GALNTL6: variants seen among roughly 807,000 people sequenced by gnomAD.
GALNTL6 encodes polypeptide N-acetylgalactosaminyltransferase like 6.
GALNTL6 carries 46 observed loss-of-function variants against 73.7 expected under a neutral mutation model. That is an observed-to-expected ratio of 0.62 (90% CI 0.49 to 0.80). The LOEUF (loss-of-function observed/expected upper bound fraction) is 0.80. Ranked by LOEUF, GALNTL6 falls within the 30% of genes least tolerant of loss-of-function variation. The probability of loss-of-function intolerance (pLI) is 0.00; values close to 1 mark genes in which losing one functional copy is unlikely to be tolerated. For synonymous variants in GALNTL6, 259 were observed against 263.7 expected, an observed-to-expected ratio of 0.98 and a Z score of 0.17; for missense variants, 604 against 755.0, an observed-to-expected ratio of 0.80 and a Z score of 2.34.
intron 2 of GALNTL6, among the ~76,000 whole-genome samples, chr4:172,141,911 A>C (rs1009945933): frequency 7.3e-6 from 1 of 136,846 alleles, no homozygotes; most frequent in African/African-American, 2.8e-5. Context: ...ACACACACAC[A>C]CCCCCCACAC....
intron 5 of GALNTL6, among the ~76,000 whole-genome samples, chr4:172,400,582 T>C (rs897152048): frequency 6.6e-6 from 1 of 152,158 alleles, no homozygotes; most frequent in African/African-American, 2.4e-5. Context: ...CACGAACTTG[T>C]GATCCCTTCT....
At chr4:172,077,250 G>A (rs1204088127) in intron 2 of GALNTL6, among the ~76,000 whole-genome samples, 1 of 152,196 alleles carries the variant, frequency 6.6e-6, no homozygotes, top group East Asian at 1.9e-4. Flanking sequence ...TTTGGAACTG[G>A]TTAACAGGCA....
At chr4:172,132,627 T>G (rs970403437) in intron 2 of GALNTL6, among the ~76,000 whole-genome samples, 1 of 152,188 alleles carries the variant, frequency 6.6e-6, no homozygotes, top group Non-Finnish European at 1.5e-5. Flanking sequence ...TACTTCATGT[T>G]GAATTTGTCT....
At chr4:172,823,305 C>T (rs2111029560) in intron 7 of GALNTL6, among the ~76,000 whole-genome samples, 1 of 152,332 alleles carries the variant, frequency 6.6e-6, no homozygotes, top group Admixed American at 6.5e-5. Context: ...CAGCTCTGCT[C>T]TCCTCTTTGC....
intron 9 of GALNTL6, among the ~76,000 whole-genome samples, chr4:172,951,584 G>A (rs1749446591): frequency 6.6e-6 from 1 of 152,178 alleles, no homozygotes; most frequent in South Asian, 2.1e-4. Flanking sequence ...TAAAGTTGGG[G>A]GAAAAGAATA....
chr4:172,739,043 GTGTTAA>G (rs1264972167), intron 5 of GALNTL6, among the ~76,000 whole-genome samples: 3 of 152,152 alleles, frequency 2.0e-5, no homozygotes, highest in Admixed American at 6.6e-5. Context: ...CTTAAAGTCT[GTGTTAA>G]TGTTAATGCT....
At chr4:172,579,454 C>T (rs546100905) in intron 5 of GALNTL6, among the ~76,000 whole-genome samples, 2 of 152,248 alleles carry the variant, frequency 1.3e-5, no homozygotes, top group South Asian at 2.1e-4. Context: ...TAGTAAGACT[C>T]ATTCTGGAGG....
intron 5 of GALNTL6, among the ~76,000 whole-genome samples, chr4:172,752,995 G>T (rs1209825280): frequency 6.6e-6 from 1 of 152,036 alleles, no homozygotes; most frequent in African/African-American, 2.4e-5. Flanking sequence ...AAAAGTCTTA[G>T]AAATATAATT....
rs202000443 is a variant in GALNTL6, at chr4:171,986,787, AG to A, written c.138+172070del. 5.0e-3 allele frequency among the ~76,000 whole-genome samples: 757 copies of A among 152,330 alleles called. 6 individuals are homozygous for A. Among genetic ancestry groups the A allele is most frequent in the African/African-American group, 0.017 (713 of 41,568 alleles). ...GAGAAAAACAGGTATAAAAGGTCTA[AG>A]AATTGGGACGACCCAGGACATCTGA... On this transcript the variant is annotated intron_variant, in intron 2 of 12. Coordinates refer to ENST00000506823, the MANE Select transcript of GALNTL6 (RefSeq NM_001034845.3).
chr4:172,910,514 C>G (rs948071384), intron 8 of GALNTL6, among the ~76,000 whole-genome samples: 2 of 152,166 alleles, frequency 1.3e-5, no homozygotes, highest in Non-Finnish European at 2.9e-5. Flanking sequence ...CTCTGTTGGC[C>G]CCTGAAGGCC....
At chr4:172,346,736 G>A (rs1221442108) in intron 4 of GALNTL6, among the ~76,000 whole-genome samples, 1 of 152,070 alleles carries the variant, frequency 6.6e-6, no homozygotes. Flanking sequence ...CAAACCTTCA[G>A]TAAATTACTG....
chr4:172,690,832 A>C (rs1560882869), intron 5 of GALNTL6, among the ~76,000 whole-genome samples: 2 of 152,212 alleles, frequency 1.3e-5, no homozygotes, highest in Admixed American at 6.5e-5. Context: ...CTTTAAGTAC[A>C]TAAGTGAATC....
At chr4:172,518,459 A>C (rs1006822669) in intron 5 of GALNTL6, among the ~76,000 whole-genome samples, 6 of 151,858 alleles carry the variant, frequency 4.0e-5, no homozygotes, top group African/African-American at 1.2e-4. Flanking sequence ...TATGATGCAA[A>C]CTCTTCCTCA....
intron 3 of GALNTL6, among the ~76,000 whole-genome samples, chr4:172,307,848 T>C (rs1740199248): frequency 6.6e-6 from 1 of 152,056 alleles, no homozygotes; most frequent in East Asian, 1.9e-4. Flanking sequence ...GGATCTTTTT[T>C]AGTTCCATAT....
intron 2 of GALNTL6, among the ~76,000 whole-genome samples, chr4:172,154,380 G>T (rs1734193166): frequency 6.6e-6 from 1 of 151,940 alleles, no homozygotes; most frequent in East Asian, 1.9e-4. Context: ...CTACAGGCAT[G>T]CTCCACCACG....
intron 7 of GALNTL6, among the ~76,000 whole-genome samples, chr4:172,873,239 C>T (rs915569848): frequency 3.9e-5 from 6 of 152,144 alleles, no homozygotes; most frequent in Non-Finnish European, 8.8e-5. Context: ...GAATAACAAC[C>T]GAAAGTTCCC....
chr4:172,621,743 G>A (rs1258992653), intron 5 of GALNTL6, among the ~76,000 whole-genome samples: 2 of 152,064 alleles, frequency 1.3e-5, no homozygotes, highest in Admixed American at 6.5e-5. Flanking sequence ...AGGAATCCTA[G>A]GTTTTAGGTT....
chr4:172,635,341 C>G (rs980466427), intron 5 of GALNTL6, among the ~76,000 whole-genome samples: 6 of 151,990 alleles, frequency 3.9e-5, no homozygotes, highest in Non-Finnish European at 7.4e-5. Context: ...TGAACTGTCT[C>G]AGGTTAAATT....
chr4:173,029,136 G>T (rs922284895), intron 12 of GALNTL6, among the ~76,000 whole-genome samples: 1 of 152,188 alleles, frequency 6.6e-6, no homozygotes, highest in Non-Finnish European at 1.5e-5. Context: ...TAAGGAAAGT[G>T]TATATAACAA....
Sources: gnomAD v4.1 joint callset for allele counts (sites outside exome capture counted in the v4.1 genomes callset) on GRCh38, gnomAD v4.1.1 for gene constraint, MANE v1.5 for transcripts, NCBI Gene and HGNC (gene_info 2026-07-23, HGNC 2026-07-21) for gene names.